The following ARHGAP5 variants were observed in gnomAD, a reference collection of about 807,000 sequenced individuals.
The protein encoded by ARHGAP5 is Rho GTPase activating protein 5, also known as rho GTPase-activating protein 5.
A neutral mutation model predicts 116.6 loss-of-function variants in ARHGAP5; 23 were observed. That is an observed-to-expected ratio of 0.20 (90% CI 0.14 to 0.28). The LOEUF is 0.28. Among genes scored for constraint, ARHGAP5 ranks in the 10% least tolerant of loss-of-function variants. The pLI, the probability that ARHGAP5 is intolerant of heterozygous loss-of-function variation, is 1.00. For synonymous variants in ARHGAP5, 574 were observed against 602.0 expected (o/e 0.95, Z 0.68); for missense variants, 1,405 against 1,774.8 (o/e 0.79, Z 3.74).
chr14:32,131,570 T>C (rs1246485167), intron 3 of ARHGAP5, among the ~76,000 whole-genome samples: 1 of 152,138 alleles, frequency 6.6e-6, no homozygotes, highest in Non-Finnish European at 1.5e-5. Flanking sequence ...TGTTTGTTTT[T>C]GTTTTTGTTT....
chr14:32,084,006 A>G (rs577249399), intron 1 of ARHGAP5, among the ~76,000 whole-genome samples: 1 of 152,358 alleles, frequency 6.6e-6, no homozygotes, highest in Admixed American at 6.5e-5. Context: ...GTTGATGAAC[A>G]TGGGATGACC....
chr14:32,150,746 C>T (rs1034422583), intron 5 of ARHGAP5, among the ~76,000 whole-genome samples: 24 of 152,174 alleles, frequency 1.6e-4, no homozygotes, highest in Non-Finnish European at 2.1e-4. Flanking sequence ...GTTTCCCACA[C>T]AAGAACTTTG....
intron 1 of ARHGAP5, among the ~76,000 whole-genome samples, chr14:32,081,940 C>A (rs2041779896): frequency 6.6e-6 from 1 of 152,156 alleles, no homozygotes; most frequent in Non-Finnish European, 1.5e-5. Context: ...TTGTAGAAGA[C>A]AGTTTTTTCA....
intron 3 of ARHGAP5, among the ~76,000 whole-genome samples, chr14:32,128,494 C>T (rs1000132040): frequency 1.5e-4 from 23 of 152,370 alleles, no homozygotes; most frequent in African/African-American, 5.5e-4. Flanking sequence ...CTCTGGTTTC[C>T]TCATTCCAAG....
chr14:32,089,211 CA>C, intron 1 of ARHGAP5, among the ~76,000 whole-genome samples: 1 of 151,994 alleles, frequency 6.6e-6, no homozygotes, highest in South Asian at 2.1e-4. Context: ...AGTTTATCTT[CA>C]CCATTAGTTA....
In ARHGAP5 at chr14:32,093,035, C is replaced by T. The variant is rs1364540651; in HGVS notation, c.2366C>T (p.Pro789Leu). The change falls in exon 2 of 7, where the codon CCA becomes CTA. Residue 789 changes from proline to leucine, a missense_variant. Pro to Leu is a moderately conservative substitution (Grantham distance 98). Transcript: ENST00000345122. The stretch of plus-strand genomic sequence containing the variant: ...GTCATGTGCGCCATGTGTGGAGATC[C>T]ATTTAGTGTGGATCTTATTCTTTCA... ...RIVMCAMCGD[P>L]FSVDLILSPF... is the part of the protein sequence containing the mutation. 6.2e-7 allele frequency: 1 copy of T among 1,613,992 alleles called. No individual in the cohort carries two copies. The highest frequency in any genetic ancestry group is 1.1e-5 in the South Asian group (1 of 91,070).
At chr14:32,148,188 A>ATCTATCTG (rs1881477363) in intron 4 of ARHGAP5, among the ~76,000 whole-genome samples, 1 of 151,558 alleles carries the variant, frequency 6.6e-6, no homozygotes, top group South Asian at 2.1e-4. Context: ...CTATCTATCT[A>ATCTATCTG]TCTATCTATC....
At chr14:32,143,883 C>A (rs778961549) in intron 3 of ARHGAP5, among the ~76,000 whole-genome samples, 1 of 152,202 alleles carries the variant, frequency 6.6e-6, no homozygotes, top group Non-Finnish European at 1.5e-5. Flanking sequence ...TTGTTAGAGG[C>A]TGTCCTTTGC....
At chr14:32,097,771 A>G (rs1484070255) in intron 2 of ARHGAP5, among the ~76,000 whole-genome samples, 1 of 152,226 alleles carries the variant, frequency 6.6e-6, no homozygotes, top group East Asian at 1.9e-4. Context: ...TAGAGTTAAC[A>G]AAATAGTTTG....
At chr14:32,086,630 C>T (rs1295470606) in intron 1 of ARHGAP5, among the ~76,000 whole-genome samples, 52 of 151,912 alleles carry the variant, frequency 3.4e-4, no homozygotes. Flanking sequence ...ATGAATGCAT[C>T]AATTTTGTGA....
intron 2 of ARHGAP5, among the ~76,000 whole-genome samples, chr14:32,101,811 C>A (rs140282874): frequency 0.015 from 2,257 of 152,018 alleles, 52 homozygotes; most frequent in African/African-American, 0.05. Flanking sequence ...TGGTGAAACC[C>A]GTCTCTACTG....
intron 3 of ARHGAP5, among the ~76,000 whole-genome samples, chr14:32,123,581 T>G (rs997859754): frequency 6.6e-6 from 1 of 152,092 alleles, no homozygotes; most frequent in Admixed American, 6.6e-5. Context: ...TATATTTTTC[T>G]GCTTCTTGTT....
intron 3 of ARHGAP5, among the ~76,000 whole-genome samples, chr14:32,126,258 TCA>T (rs1566675311): frequency 6.6e-6 from 1 of 152,146 alleles, no homozygotes; most frequent in Admixed American, 6.5e-5. Flanking sequence ...AGATGGAGTC[TCA>T]CAGTTCTGAA....
At chr14:32,117,667 A>G (rs900511587) in intron 3 of ARHGAP5, among the ~76,000 whole-genome samples, 8 of 152,208 alleles carry the variant, frequency 5.3e-5, no homozygotes, top group Admixed American at 4.6e-4. Context: ...CATTTTACAC[A>G]TGGATTTTTC....
At chr14:32,130,745 C>T (rs1459864612) in intron 3 of ARHGAP5, among the ~76,000 whole-genome samples, 3 of 151,672 alleles carry the variant, frequency 2.0e-5, no homozygotes, top group Non-Finnish European at 4.4e-5. Context: ...ATTGGCCAGG[C>T]TGGTCTCAAA....
rs75664073 is a variant in ARHGAP5, at chr14:32,154,988, G to T, written c.*40G>T. The T allele has an allele frequency of 7.7e-6, 12 of 1,555,456 alleles. No homozygotes were observed. Among genetic ancestry groups the T allele is most frequent in the Admixed American group, 3.5e-5 (2 of 57,396 alleles). ...CAAACAGGCTGGATTTGGACAAAAA[G>T]CAAATCTAGACATGCATGTTTCAGG... On this transcript the variant is annotated 3_prime_UTR_variant, in exon 7 of 7. Coordinates refer to ENST00000345122, the MANE Select transcript of ARHGAP5 (RefSeq NM_001030055.2).
intron 3 of ARHGAP5, among the ~76,000 whole-genome samples, chr14:32,119,694 T>C (rs1879786694): frequency 6.6e-6 from 1 of 152,150 alleles, no homozygotes; most frequent in African/African-American, 2.4e-5. Context: ...CCTAGTTTGC[T>C]GAGTTTTTAT....
At chr14:32,120,424 C>G (rs112783194) in intron 3 of ARHGAP5, among the ~76,000 whole-genome samples, 7 of 150,326 alleles carry the variant, frequency 4.7e-5, no homozygotes, top group African/African-American at 1.2e-4. Context: ...CTACTTGTTT[C>G]TTTCTTCTTT....
At chr14:32,112,042 C>T (rs1879335622) in intron 2 of ARHGAP5, among the ~76,000 whole-genome samples, 1 of 152,032 alleles carries the variant, frequency 6.6e-6, no homozygotes. Flanking sequence ...TGGTCTCGAT[C>T]TCCTGACATT....
Sources: allele counts gnomAD v4.1 joint callset (sites outside exome capture counted in the v4.1 genomes callset), GRCh38; gene constraint gnomAD v4.1.1; transcripts MANE v1.5; gene names NCBI Gene and HGNC (gene_info 2026-07-23, HGNC 2026-07-21).